Variants in TBXAS1 observed in about 807,000 individuals in gnomAD.
The protein encoded by TBXAS1 is thromboxane A synthase 1, also known as thromboxane-A synthase.
In TBXAS1, 48 loss-of-function variants were observed where a neutral mutation model predicts 60.7. The observed-to-expected ratio is 0.79, with a 90% CI of 0.63 to 1.01. TBXAS1 has a LOEUF of 1.01. Ranked by LOEUF, TBXAS1 falls within the 50% of genes least tolerant of loss-of-function variation. The pLI, the probability that TBXAS1 is intolerant of heterozygous loss-of-function variation, is 0.00. For missense variants in TBXAS1, 685 were observed against 686.3 expected, an observed-to-expected ratio of 1.00 and a Z score of 0.02; for synonymous variants, 287 against 269.7, an observed-to-expected ratio of 1.06 and a Z score of -0.63.
intron 4 of TBXAS1, among the ~76,000 whole-genome samples, chr7:139,821,551 C>T (rs1190130025): frequency 6.6e-6 from 1 of 152,190 alleles, no homozygotes; most frequent in East Asian, 1.9e-4. Context: ...ATCCATATCT[C>T]CATAGCAACC....
intron 6 of TBXAS1, among the ~76,000 whole-genome samples, chr7:139,953,935 C>T (rs1809631187): frequency 6.6e-6 from 1 of 152,222 alleles, no homozygotes; most frequent in South Asian, 2.1e-4. Context: ...AGCCCGCTGG[C>T]CACAAGCAGC....
chr7:139,836,813 C>T (rs774510833), intron 1 of TBXAS1, among the ~76,000 whole-genome samples: 6 of 151,930 alleles, frequency 3.9e-5, no homozygotes, highest in East Asian at 1.9e-4. Context: ...GATAAAGAGC[C>T]GGGACCTAAT....
intron 4 of TBXAS1, among the ~76,000 whole-genome samples, chr7:139,932,028 T>C (rs1807366938): frequency 6.6e-6 from 1 of 151,766 alleles, no homozygotes; most frequent in Non-Finnish European, 1.5e-5. Context: ...TTAAAAATTA[T>C]TAAGATGGGG....
chr7:139,860,021 C>T (rs1800853783), intron 1 of TBXAS1, among the ~76,000 whole-genome samples: 1 of 152,126 alleles, frequency 6.6e-6, no homozygotes, highest in African/African-American at 2.4e-5. Context: ...CGCCTGTAGT[C>T]CTAGCTATCC....
At chr7:139,872,759 G>A (rs1801917075) in intron 2 of TBXAS1, among the ~76,000 whole-genome samples, 1 of 152,214 alleles carries the variant, frequency 6.6e-6, no homozygotes, top group Non-Finnish European at 1.5e-5. Context: ...ACCTTGAGCA[G>A]TAAAGGTGTT....
chr7:139,855,003 G>A (rs1800485680), intron 1 of TBXAS1, among the ~76,000 whole-genome samples: 1 of 152,114 alleles, frequency 6.6e-6, no homozygotes, highest in Non-Finnish European at 1.5e-5. Flanking sequence ...TTGTTTGAAT[G>A]TTTGTCTCCT....
chr7:139,835,065 C>CTT (rs142060008), intron 1 of TBXAS1, among the ~76,000 whole-genome samples: 3 of 132,042 alleles, frequency 2.3e-5, no homozygotes, highest in Non-Finnish European at 4.8e-5. Context: ...TACTAAAATT[C>CTT]TTTTTTTTTT....
chr7:139,929,878 G>C (rs1807174913), intron 4 of TBXAS1, among the ~76,000 whole-genome samples: 1 of 152,126 alleles, frequency 6.6e-6, no homozygotes, highest in South Asian at 2.1e-4. Flanking sequence ...CCTCCACTCT[G>C]GCTCCTCACA....
intron 10 of TBXAS1, among the ~76,000 whole-genome samples, chr7:140,011,853 C>A (rs915687542): frequency 2.7e-5 from 4 of 145,994 alleles, no homozygotes; most frequent in African/African-American, 1.0e-4. Flanking sequence ...TATATATATC[C>A]ACAATGAAAT....
At chr7:139,969,810 T>C (rs969241602) in intron 9 of TBXAS1, among the ~76,000 whole-genome samples, 1 of 152,190 alleles carries the variant, frequency 6.6e-6, no homozygotes, top group Non-Finnish European at 1.5e-5. Flanking sequence ...TCAGAGGTGC[T>C]GCTGAGTCTC....
chr7:139,789,192 T>G (rs1797297301), intron 4 of TBXAS1: 1 of 151,714 alleles, frequency 6.6e-6, no homozygotes. Flanking sequence ...TAGAAAATGC[T>G]TATACATTTA....
intron 9 of TBXAS1, among the ~76,000 whole-genome samples, chr7:139,983,515 C>G (rs57786433): frequency 6.6e-6 from 1 of 152,106 alleles, no homozygotes; most frequent in African/African-American, 2.4e-5. Context: ...CTCTTACCCT[C>G]TGTCATCAGG....
chr7:139,965,837 T>C (rs1810745008), intron 9 of TBXAS1, among the ~76,000 whole-genome samples: 1 of 152,110 alleles, frequency 6.6e-6, no homozygotes, highest in African/African-American at 2.4e-5. Flanking sequence ...TCAATGAATA[T>C]TGGTAGGTTT....
intron 5 of TBXAS1, chr7:139,952,542 T>A: frequency 2.0e-6 from 3 of 1,536,584 alleles, no homozygotes; most frequent in Non-Finnish European, 2.6e-6. Context: ...TTCTGCTCGA[T>A]ATTTTCAGCT....
intron 3 of TBXAS1, among the ~76,000 whole-genome samples, chr7:139,895,125 G>A (rs958696207): frequency 6.6e-6 from 1 of 152,166 alleles, no homozygotes; most frequent in African/African-American, 2.4e-5. Flanking sequence ...CTTCTAGGAG[G>A]AAGTAGGTCT....
At chr7:139,895,137 G>C (rs181592768) in intron 3 of TBXAS1, among the ~76,000 whole-genome samples, 67 of 152,258 alleles carry the variant, frequency 4.4e-4, no homozygotes, top group African/African-American at 1.5e-3. Context: ...AGTAGGTCTT[G>C]AAGAATGAAT....
At chr7:139,879,434 G>A (rs1802510858) in intron 3 of TBXAS1, among the ~76,000 whole-genome samples, 1 of 152,104 alleles carries the variant, frequency 6.6e-6, no homozygotes, top group South Asian at 2.1e-4. Context: ...CACAAAGAAG[G>A]CAAGGCTTTA....
intron 1 of TBXAS1, among the ~76,000 whole-genome samples, chr7:139,832,386 A>C (rs992040248): frequency 2.7e-5 from 4 of 149,334 alleles, no homozygotes; most frequent in Non-Finnish European, 5.9e-5. Context: ...AAGGTCTTTG[A>C]ATTAACTGAA....
chr7:139,836,475 G>C (rs964910689), intron 1 of TBXAS1, among the ~76,000 whole-genome samples: 2 of 152,096 alleles, frequency 1.3e-5, no homozygotes, highest in African/African-American at 4.8e-5. Flanking sequence ...TAGGCACATA[G>C]ACCAATGGAA....
Sources: allele counts gnomAD v4.1 joint callset (sites outside exome capture counted in the v4.1 genomes callset), GRCh38; gene constraint gnomAD v4.1.1; transcripts MANE v1.5; gene names NCBI Gene and HGNC (gene_info 2026-07-23, HGNC 2026-07-21).